CHCHD6: variants seen among roughly 807,000 people sequenced by gnomAD.
CHCHD6 encodes MICOS complex subunit MIC25.
Under a neutral mutation model 32.3 loss-of-function variants are expected in CHCHD6, and 28 were observed. The ratio of observed to expected loss-of-function variants is 0.87; its 90% CI spans 0.64 to 1.19. The LOEUF is 1.19. Ranked by LOEUF, CHCHD6 falls within the 50% of genes most tolerant of loss-of-function variation. The pLI is 0.00. For missense variants in CHCHD6, 333 were observed against 307.0 expected, an observed-to-expected ratio of 1.08 and a Z score of -0.63; for synonymous variants, 122 against 117.5, an observed-to-expected ratio of 1.04 and a Z score of -0.25.
At chr3:126,800,050 A>G (rs1165711171) in intron 4 of CHCHD6, among the ~76,000 whole-genome samples, 1 of 152,218 alleles carries the variant, frequency 6.6e-6, no homozygotes, top group Non-Finnish European at 1.5e-5. Context: ...TAATATTAAA[A>G]TCAACACTGT....
intron 6 of CHCHD6, among the ~76,000 whole-genome samples, chr3:126,951,281 C>G (rs2078711949): frequency 6.6e-6 from 1 of 152,194 alleles, no homozygotes; most frequent in South Asian, 2.1e-4. Flanking sequence ...GTCAATTAAA[C>G]CTCTTTTCTT....
chr3:126,799,702 C>T (rs1000663369), intron 4 of CHCHD6, among the ~76,000 whole-genome samples: 9 of 152,274 alleles, frequency 5.9e-5, no homozygotes, highest in South Asian at 4.1e-4. Context: ...CTGATCTCTT[C>T]GCCTGGTGTC....
At chr3:126,766,711 C>T in intron 4 of CHCHD6, 2 of 1,145,162 alleles carry the variant, frequency 1.7e-6, no homozygotes, top group Non-Finnish European at 2.6e-6. Context: ...GATTATCCAG[C>T]CACAGAGGTC....
intron 5 of CHCHD6, among the ~76,000 whole-genome samples, chr3:126,910,945 G>A (rs1369250543): frequency 2.0e-5 from 3 of 152,096 alleles, no homozygotes; most frequent in Admixed American, 6.5e-5. Flanking sequence ...CAGAGGAGTA[G>A]GGATAGGGCT....
intron 4 of CHCHD6, among the ~76,000 whole-genome samples, chr3:126,741,097 A>C (rs1197948665): frequency 6.6e-6 from 1 of 152,136 alleles, no homozygotes; most frequent in Non-Finnish European, 1.5e-5. Flanking sequence ...GTGTCACAAA[A>C]TGTTAGAAAT....
At chr3:126,716,537 A>T (rs1290722358) in intron 1 of CHCHD6, among the ~76,000 whole-genome samples, 1 of 151,958 alleles carries the variant, frequency 6.6e-6, no homozygotes, top group African/African-American at 2.4e-5. Flanking sequence ...AGGGTCATGG[A>T]TGTCATATCT....
At chr3:126,863,530 A>ACCT (rs1315333887) in intron 5 of CHCHD6, among the ~76,000 whole-genome samples, 2 of 108,950 alleles carry the variant, frequency 1.8e-5, no homozygotes, top group Non-Finnish European at 3.8e-5. Context: ...CACCATCACC[A>ACCT]CCTCCTCCTC....
chr3:126,957,419 C>A lies in CHCHD6; in HGVS notation c.570C>A (p.Pro190=). Residue 190 remains proline, a synonymous_variant, in exon 7 of 8, where the codon CCC becomes CCA. Coordinates refer to ENST00000290913, the MANE Select transcript of CHCHD6 (RefSeq NM_032343.3). ...AASKMESTIK[P]RRVEPVCSGL... is the part of the protein sequence containing the mutation. ...TGCCTGCTCTTGTCTTCTGCAGGCC[C>A]CGCAGGGTGGAGCCCGTCTGCTCAG... 6.2e-7 allele frequency: 1 copy of A among 1,610,792 alleles called. No homozygotes were observed. The highest frequency in any genetic ancestry group is 1.8e-4 in the Middle Eastern group (1 of 5,560).
At chr3:126,871,874 C>G (rs996120342) in intron 5 of CHCHD6, among the ~76,000 whole-genome samples, 1 of 151,968 alleles carries the variant, frequency 6.6e-6, no homozygotes, top group Non-Finnish European at 1.5e-5. Context: ...ACCGTGTTAA[C>G]CAGGATGGTC....
chr3:126,960,154 C>T lies in CHCHD6; in HGVS notation c.703-42C>T, dbSNP rs376817354. ...TCTGCACGGAGCTGGAGGGCATGGG[C>T]GGAGTGGGCCCTGACTCAACTCTGA... On this transcript the variant is annotated intron_variant, in intron 7 of 7. Transcript: ENST00000290913. 140 of 1,550,880 alleles carry T rather than the reference C, an allele frequency of 9.0e-5. No individual in the cohort carries two copies. The East Asian group carries it at 2.4e-3, about 27-fold the overall frequency.
chr3:126,822,264 T>G (rs1412858546), intron 4 of CHCHD6, among the ~76,000 whole-genome samples: 1 of 152,252 alleles, frequency 6.6e-6, no homozygotes, highest in African/African-American at 2.4e-5. Context: ...GGGTCTAGTT[T>G]ATTTCATTTG....
chr3:126,892,186 C>T (rs756351349), intron 5 of CHCHD6, among the ~76,000 whole-genome samples: 10 of 152,324 alleles, frequency 6.6e-5, no homozygotes, highest in East Asian at 1.9e-4. Context: ...GCCCTTTCAG[C>T]GCCAGCCTGG....
intron 4 of CHCHD6, among the ~76,000 whole-genome samples, chr3:126,790,549 T>C (rs1473953834): frequency 2.6e-5 from 4 of 152,222 alleles, no homozygotes; most frequent in African/African-American, 7.2e-5. Context: ...TTTAAACTTC[T>C]CTTCTCGCTT....
intron 4 of CHCHD6, among the ~76,000 whole-genome samples, chr3:126,764,475 A>G (rs1193146328): frequency 1.3e-5 from 2 of 152,092 alleles, no homozygotes; most frequent in African/African-American, 2.4e-5. Flanking sequence ...TCGGAAGTTC[A>G]TTTTTTAATT....
intron 4 of CHCHD6, among the ~76,000 whole-genome samples, chr3:126,848,807 C>T (rs1005962722): frequency 1.3e-5 from 2 of 152,090 alleles, no homozygotes; most frequent in Non-Finnish European, 2.9e-5. Flanking sequence ...GTCATATTGT[C>T]CTATAAAATT....
At chr3:126,737,019 T>G (rs1314766124) in intron 4 of CHCHD6, among the ~76,000 whole-genome samples, 1 of 152,178 alleles carries the variant, frequency 6.6e-6, no homozygotes, top group Non-Finnish European at 1.5e-5. Context: ...GTACACCTGA[T>G]AGAAAGCAAA....
intron 6 of CHCHD6, among the ~76,000 whole-genome samples, chr3:126,934,861 T>G (rs555573897): frequency 6.6e-6 from 1 of 152,290 alleles, no homozygotes; most frequent in East Asian, 1.9e-4. Flanking sequence ...CCCACCTCAC[T>G]TTTTACCTTT....
intron 5 of CHCHD6, among the ~76,000 whole-genome samples, chr3:126,899,279 A>G (rs762577883): frequency 2.6e-5 from 4 of 152,198 alleles, no homozygotes; most frequent in African/African-American, 7.2e-5. Flanking sequence ...CCTTATTCCT[A>G]TCCTGGTCGT....
intron 1 of CHCHD6, among the ~76,000 whole-genome samples, chr3:126,714,931 C>G (rs988888560): frequency 3.2e-4 from 48 of 152,180 alleles, no homozygotes; most frequent in African/African-American, 1.1e-3. Context: ...AATGCAAAGA[C>G]TAATGCTTAA....
Sources: allele counts gnomAD v4.1 joint callset (sites outside exome capture counted in the v4.1 genomes callset), GRCh38; gene constraint gnomAD v4.1.1; transcripts MANE v1.5; gene names NCBI Gene and HGNC (gene_info 2026-07-23, HGNC 2026-07-21).